The following DNAH9 variants were observed in gnomAD, a reference collection of about 807,000 sequenced individuals.
The protein encoded by DNAH9 is DNAH9 variant protein.
In DNAH9, 345 loss-of-function variants were observed where a neutral mutation model predicts 471.6. That is an observed-to-expected ratio of 0.73 (90% CI 0.67 to 0.80). The LOEUF (loss-of-function observed/expected upper bound fraction) is 0.80, where lower values mean the gene tolerates loss of function less well. Ranked by LOEUF, DNAH9 falls within the 30% of genes least tolerant of loss-of-function variation. The pLI, the probability that DNAH9 is intolerant of heterozygous loss-of-function variation, is 0.00. For missense variants in DNAH9, 5,407 were observed against 5,609.2 expected (o/e 0.96, Z 1.15); for synonymous variants, 2,093 against 2,123.6 (o/e 0.99, Z 0.40).
chr17:11,859,507 T>C (rs567082406), intron 50 of DNAH9, among the ~76,000 whole-genome samples: 1 of 152,288 alleles, frequency 6.6e-6, no homozygotes, highest in South Asian at 2.1e-4. Context: ...GGCAGCTCCC[T>C]TGGAGCTCTC....
Position 11,797,702 on chromosome 17 carries a change from T to C in DNAH9, c.8329T>C (p.Leu2777=), listed in dbSNP as rs764382513. ...CATGCCTGTACAGTCTTGGGAACTTTTGACCCAGACTCTGGTGGAGGCCTT... is the reference window on the plus strand; with the variant it reads ...CATGCCTGTACAGTCTTGGGAACTTCTGACCCAGACTCTGGTGGAGGCCTT... ...KYMPVQSWEL[L]TQTLVEALEN... is the part of the protein sequence containing the mutation. Residue 2777 remains leucine, a synonymous_variant, in exon 43 of 69, where the codon TTG becomes CTG. Transcript: ENST00000262442. 1 of 1,614,208 alleles carries C rather than the reference T, an allele frequency of 6.2e-7. No homozygotes were observed. The highest frequency in any genetic ancestry group is 8.5e-7 in the Non-Finnish European group (1 of 1,180,036).
intron 62 of DNAH9, 53 bp downstream of exon 62, chr17:11,923,994 C>T: frequency 6.3e-7 from 1 of 1,591,406 alleles, no homozygotes; most frequent in South Asian, 1.1e-5. Context: ...TGCCTCATCC[C>T]ACACTCACTG....
rs377715895 is a variant in DNAH9, at chr17:11,598,540, C to G, written c.42C>G (p.Asn14Lys). The stretch of plus-strand genomic sequence containing the variant: ...AGCGGGCCGCGCTCGCGGCGGAGAA[C>G]GCGGATGGGGAACCCGGCGCCGACC... ...AEERAALAAENADGEPGADRR... is the reference protein window; with the variant it reads ...AEERAALAAEKADGEPGADRR... Residue 14 changes from asparagine (N) to lysine (K), a missense_variant, in exon 1 of 69, where the codon AAC (asparagine) becomes AAG (lysine). By Grantham distance (94) the Asn-to-Lys change is moderately conservative. This residue lies in a region of DNAH9 where 767 missense variants were observed against 692.5 expected (regional missense o/e 1.11). Transcript: ENST00000262442. 3.3e-4 allele frequency: 459 copies of G among 1,402,268 alleles called. No homozygotes were observed. In the African/African-American group the frequency reaches 6.2e-3, roughly 19 times the overall value. The allele number at this position is 1,402,268 out of a possible 1,614,324, so 86.9% of individuals were successfully genotyped here. A position where few individuals can be genotyped will look rare whatever the true frequency, so the allele number is the denominator to read the frequency against.
intron 8 of DNAH9, 28 bp from the exon 9 acceptor site, chr17:11,636,606 T>C: frequency 1.2e-6 from 2 of 1,603,302 alleles, no homozygotes; most frequent in Non-Finnish European, 1.7e-6. Flanking sequence ...GTGATTTTTT[T>C]CCTCTTTTTC....
chr17:11,684,058 A>G (rs1005611648), intron 19 of DNAH9, among the ~76,000 whole-genome samples: 3 of 152,146 alleles, frequency 2.0e-5, no homozygotes, highest in African/African-American at 7.2e-5. Context: ...TGAATTTCTA[A>G]GTTGCAGGCC....
chr17:11,930,012 G>T lies in DNAH9; in HGVS notation c.12024G>T (p.Leu4008=). ...GCCACATCATCCCCCAGGGCATCCT[G>T]GAGAACTCCATTAAGATCACCAATG... ...PEGHIIPQGI[L]ENSIKITNEP... The change falls in exon 63 of 69, where the codon CTG becomes CTT. Residue 4008 remains leucine (L), a synonymous_variant. Coordinates refer to ENST00000262442, the MANE Select transcript of DNAH9 (RefSeq NM_001372.4). 6.2e-7 allele frequency: 1 copy of T among 1,614,056 alleles called. No homozygotes were observed. The highest frequency in any genetic ancestry group is 8.5e-7 in the Non-Finnish European group (1 of 1,180,002).
chr17:11,876,428 AAT>A (rs1442172201), intron 53 of DNAH9, among the ~76,000 whole-genome samples: 3 of 152,162 alleles, frequency 2.0e-5, no homozygotes, highest in Admixed American at 6.5e-5. Flanking sequence ...AAAAGTAAAA[AAT>A]GTTTTCAAAG....
In DNAH9 at chr17:11,598,836, C is replaced by G; in HGVS notation, c.338C>G (p.Pro113Arg). ...CGCACCGGGCCCGAGCCTCCAGGGC[C>G]CGACAGCTTCCGCGGCGCAGTGGTC... ...FLRTGPEPPG[P>R]DSFRGAVVCG... is the part of the protein sequence containing the mutation. Residue 113 changes from proline to arginine, a missense_variant, in exon 1 of 69, where the codon CCC (proline) becomes CGC (arginine). Around this residue, in one of 3 missense-constraint regions of DNAH9, gnomAD observed 767 missense variants for 692.5 expected, o/e 1.11. Transcript: ENST00000262442. 1 of 1,517,514 alleles carries G rather than the reference C, an allele frequency of 6.6e-7. No homozygotes were observed. Among genetic ancestry groups the G allele is most frequent in the Non-Finnish European group, 8.8e-7 (1 of 1,137,846 alleles). The allele number at this position is 1,517,514 out of a possible 1,614,324, so 94.0% of individuals were successfully genotyped here.
chr17:11,969,562 G>C lies in DNAH9; in HGVS notation c.*35G>C. ...GAGCCACCGAGAAAATAAAAAAGCT[G>C]GGCTTGGAGGCTGCCTAGAGGGACA... On this transcript the variant is annotated 3_prime_UTR_variant, in exon 69 of 69. Coordinates refer to ENST00000262442, the MANE Select transcript of DNAH9 (RefSeq NM_001372.4). 1 of 1,545,440 alleles carries C rather than the reference G, an allele frequency of 6.5e-7. No individual in the cohort carries two copies. The highest frequency in any genetic ancestry group is 8.7e-7 in the Non-Finnish European group (1 of 1,148,506).
intron 2 of DNAH9, 27 bp downstream of exon 2, chr17:11,608,352 G>A: frequency 6.5e-7 from 1 of 1,546,024 alleles, no homozygotes; most frequent in Non-Finnish European, 8.8e-7. Flanking sequence ...TGGCCATATG[G>A]GCCTCTGAGA....
At chr17:11,731,397 CTT>C (rs554155627) in intron 28 of DNAH9, among the ~76,000 whole-genome samples, 1 of 147,924 alleles carries the variant, frequency 6.8e-6, no homozygotes, top group African/African-American at 2.5e-5. Flanking sequence ...CAGGTCTTCT[CTT>C]TTTTTTTTTA....
At chr17:11,894,005 C>T (rs565938572) in intron 58 of DNAH9, among the ~76,000 whole-genome samples, 5 of 152,264 alleles carry the variant, frequency 3.3e-5, no homozygotes, top group African/African-American at 9.6e-5. Flanking sequence ...TTCTAGCTGC[C>T]GTATATCCAT....
intron 28 of DNAH9, among the ~76,000 whole-genome samples, chr17:11,734,447 A>G (rs951903859): frequency 6.6e-6 from 1 of 152,246 alleles, no homozygotes; most frequent in Non-Finnish European, 1.5e-5. Context: ...TCACACGTTC[A>G]GCAAATTTTG....
intron 67 of DNAH9, among the ~76,000 whole-genome samples, chr17:11,959,739 AT>A (rs1975921697): frequency 6.6e-6 from 1 of 152,208 alleles, no homozygotes; most frequent in Non-Finnish European, 1.5e-5. Context: ...TGGAGCCTTG[AT>A]GTGGCCTCAG....
At chr17:11,613,432 T>C (rs1266739101) in intron 4 of DNAH9, among the ~76,000 whole-genome samples, 1 of 152,144 alleles carries the variant, frequency 6.6e-6, no homozygotes, top group Non-Finnish European at 1.5e-5. Flanking sequence ...CAATCCTGGC[T>C]AACACGTTGA....
chr17:11,800,570 A>G (rs1245931318), intron 43 of DNAH9, among the ~76,000 whole-genome samples: 1 of 152,118 alleles, frequency 6.6e-6, no homozygotes, highest in Non-Finnish European at 1.5e-5. Context: ...ACACTCATCC[A>G]AAACGTTGCC....
At chr17:11,777,673 C>A (rs1249652766) in intron 38 of DNAH9, among the ~76,000 whole-genome samples, 1 of 152,234 alleles carries the variant, frequency 6.6e-6, no homozygotes, top group Non-Finnish European at 1.5e-5. Flanking sequence ...ATGTCTGAAA[C>A]TTTATGTAAA....
chr17:11,820,483 C>A (rs73977800), intron 45 of DNAH9, among the ~76,000 whole-genome samples: 7,558 of 152,000 alleles, frequency 0.05, 635 homozygotes, highest in African/African-American at 0.17. Context: ...TCGTTAACCT[C>A]ATTTCTACAA....
intron 11 of DNAH9, 24 bp from the exon 12 acceptor site, chr17:11,647,048 G>A: frequency 6.2e-7 from 1 of 1,611,966 alleles, no homozygotes; most frequent in Non-Finnish European, 8.5e-7. Flanking sequence ...CTTATGAGGT[G>A]GCTGTTGTCT....
Sources: gnomAD v4.1 joint callset for allele counts (sites outside exome capture counted in the v4.1 genomes callset) on GRCh38, gnomAD v4.1.1 for gene constraint, gnomAD v4.1.1 regional missense constraint, MANE v1.5 for transcripts, NCBI Gene and HGNC (gene_info 2026-07-23, HGNC 2026-07-21) for gene names.